The following ABCA13 variants were observed in gnomAD, a reference collection of about 807,000 sequenced individuals.
ABCA13 encodes the protein ATP-binding cassette sub-family A member 13.
Under a neutral mutation model 478.7 loss-of-function variants are expected in ABCA13, and 476 were observed. The observed-to-expected ratio is 0.99, with a 90% confidence interval of 0.92 to 1.07. ABCA13 has a LOEUF of 1.07. Ranked by LOEUF, ABCA13 falls within the 50% of genes least tolerant of loss-of-function variation. The probability of loss-of-function intolerance (pLI) is 0.00; values close to 1 mark genes in which losing one functional copy is unlikely to be tolerated. For missense variants in ABCA13, 6,060 were observed against 5,910.6 expected (o/e 1.03, Z -0.83); for synonymous variants, 2,252 against 2,158.9 (o/e 1.04, Z -1.20).
At chr7:48,181,154 GT>G (rs1173998306) in intron 1 of ABCA13, among the ~76,000 whole-genome samples, 2 of 152,178 alleles carry the variant, frequency 1.3e-5, no homozygotes, top group Non-Finnish European at 2.9e-5. Flanking sequence ...AGTGTGGTCT[GT>G]GCTTGCAAAC....
At chr7:48,617,647 G>A (rs962761937) in intron 59 of ABCA13, among the ~76,000 whole-genome samples, 2 of 152,148 alleles carry the variant, frequency 1.3e-5, no homozygotes, top group African/African-American at 4.8e-5. Context: ...TGCAATGAGA[G>A]CCTAGTGGAG....
rs1801524909 is a variant in ABCA13 at position 48,310,012 on chromosome 7, G to C, written c.9387G>C (p.Leu3129=). 2 of 1,613,972 alleles carry C rather than the reference G, an allele frequency of 1.2e-6. No homozygotes were observed. Among genetic ancestry groups the C allele is most frequent in the Non-Finnish European group, 1.7e-6 (2 of 1,179,846 alleles). ...GKCDQEILHL[L]LTFPKGEKSW... The stretch of plus-strand genomic sequence containing the variant: ...GTGATCAGGAAATCCTTCATCTCCT[G>C]CTGACATTTCCCAAAGGGGAAAAAT... The change falls in exon 24 of 62, where the codon CTG becomes CTC. Residue 3129 remains leucine, a synonymous_variant. Coordinates refer to ENST00000435803, the MANE Select transcript of ABCA13 (RefSeq NM_152701.5).
chr7:48,451,497 A>C (rs144730269), intron 42 of ABCA13, among the ~76,000 whole-genome samples: 1 of 152,308 alleles, frequency 6.6e-6, no homozygotes, highest in Admixed American at 6.5e-5. Context: ...AGATGTTAAC[A>C]TTATCTTTAA....
At chr7:48,420,808 G>C (rs1220784069) in intron 41 of ABCA13, among the ~76,000 whole-genome samples, 9 of 150,068 alleles carry the variant, frequency 6.0e-5, no homozygotes, top group African/African-American at 2.2e-4. Flanking sequence ...GCCCATTTAA[G>C]TTTCAATTGT....
intron 41 of ABCA13, among the ~76,000 whole-genome samples, chr7:48,417,475 T>C (rs1159414807): frequency 1.3e-5 from 2 of 152,240 alleles, no homozygotes; most frequent in Non-Finnish European, 2.9e-5. Context: ...GGGGACAATC[T>C]GGACAAATCA....
At chr7:48,359,439 C>T (rs1335121571) in intron 31 of ABCA13, among the ~76,000 whole-genome samples, 1 of 151,958 alleles carries the variant, frequency 6.6e-6, no homozygotes, top group Non-Finnish European at 1.5e-5. Flanking sequence ...GGAGACAGAG[C>T]TAGCAAGTGA....
intron 43 of ABCA13, among the ~76,000 whole-genome samples, chr7:48,457,399 G>A (rs188474470): frequency 6.6e-6 from 1 of 152,012 alleles, no homozygotes; most frequent in Non-Finnish European, 1.5e-5. Context: ...TTCCCTTCAT[G>A]GTGTTTATTT....
At chr7:48,436,311 T>C (rs1412309519) in intron 42 of ABCA13, among the ~76,000 whole-genome samples, 3 of 151,742 alleles carry the variant, frequency 2.0e-5, no homozygotes, top group Non-Finnish European at 4.4e-5. Context: ...AATATGTTGG[T>C]ACACATTGTT....
chr7:48,304,390 A>T (rs1001077032), intron 23 of ABCA13, among the ~76,000 whole-genome samples: 2 of 152,324 alleles, frequency 1.3e-5, no homozygotes, highest in Middle Eastern at 6.8e-3. Context: ...TTCTTTGAGA[A>T]ATCCCCACAC....
chr7:48,346,594 T>G (rs1049079766), intron 29 of ABCA13, among the ~76,000 whole-genome samples: 1 of 152,140 alleles, frequency 6.6e-6, no homozygotes, highest in African/African-American at 2.4e-5. Context: ...GCAGAAAAGT[T>G]AATTAAAGAT....
intron 10 of ABCA13, among the ~76,000 whole-genome samples, chr7:48,244,139 A>G (rs879596083): frequency 2.6e-5 from 4 of 152,200 alleles, no homozygotes; most frequent in Admixed American, 2.6e-4. Context: ...AGAATCCTAC[A>G]GGCATTGCCA....
intron 58 of ABCA13, among the ~76,000 whole-genome samples, chr7:48,605,636 C>T (rs1480517937): frequency 6.6e-6 from 1 of 152,126 alleles, no homozygotes; most frequent in Non-Finnish European, 1.5e-5. Context: ...TCTCTGGCTG[C>T]CCTTAACATT....
chr7:48,583,312 T>C (rs1190448111), intron 56 of ABCA13, among the ~76,000 whole-genome samples: 1 of 152,240 alleles, frequency 6.6e-6, no homozygotes, highest in Non-Finnish European at 1.5e-5. Context: ...GGAGGTCATC[T>C]TCAGAGGAAG....
intron 55 of ABCA13, among the ~76,000 whole-genome samples, chr7:48,571,944 G>A (rs1488458058): frequency 3.9e-5 from 6 of 152,222 alleles, no homozygotes; most frequent in African/African-American, 7.2e-5. Flanking sequence ...GTGGGAGGCC[G>A]AGGTGGATGG....
At chr7:48,442,922 C>G (rs1200605497) in intron 42 of ABCA13, among the ~76,000 whole-genome samples, 2 of 152,230 alleles carry the variant, frequency 1.3e-5, no homozygotes, top group South Asian at 2.1e-4. Flanking sequence ...GAACTGTGTT[C>G]CCTGTTTGTT....
rs1237623251 is a variant in ABCA13 at position 48,274,629 on chromosome 7, G to C, written c.4963G>C (p.Gly1655Arg). Residue 1655 changes from glycine to arginine, a missense_variant, in exon 17 of 62, where the codon GGT becomes CGT. Gly to Arg is a moderately radical substitution (Grantham distance 125, BLOSUM62 -2). This residue lies in a region of ABCA13 where 4,423 missense variants were observed against 4,309.1 expected (regional missense o/e 1.03). Coordinates refer to ENST00000435803, the MANE Select transcript of ABCA13 (RefSeq NM_152701.5). ...VVHHTSPQNA[G>R]YMQALKKVTS... Reference sequence around the variant, plus strand: ...TCATCACACTAGTCCACAAAATGCAGGTTATATGCAAGCTTTGAAGAAGGT... The same window carrying C: ...TCATCACACTAGTCCACAAAATGCACGTTATATGCAAGCTTTGAAGAAGGT... 1 of 1,613,838 alleles carries C rather than the reference G, an allele frequency of 6.2e-7. No homozygotes were observed. Among genetic ancestry groups the C allele is most frequent in the East Asian group, 2.2e-5 (1 of 44,892 alleles).
At chr7:48,428,483 G>A (rs1431396504) in intron 42 of ABCA13, among the ~76,000 whole-genome samples, 2 of 152,152 alleles carry the variant, frequency 1.3e-5, no homozygotes, top group African/African-American at 4.8e-5. Context: ...GAGCTCTAGG[G>A]ATGTGGAGGG....
At chr7:48,508,332 C>T (rs1381642665) in intron 50 of ABCA13, among the ~76,000 whole-genome samples, 1 of 152,030 alleles carries the variant, frequency 6.6e-6, no homozygotes, top group African/African-American at 2.4e-5. Context: ...AAATTATTAC[C>T]TTTACTATGC....
At chr7:48,408,298 G>A (rs1313016142) in intron 39 of ABCA13, among the ~76,000 whole-genome samples, 1 of 152,102 alleles carries the variant, frequency 6.6e-6, no homozygotes, top group Non-Finnish European at 1.5e-5. Context: ...CTTCTCTTTT[G>A]GGAATTTAGA....
Sources: gnomAD v4.1 joint callset for allele counts (sites outside exome capture counted in the v4.1 genomes callset) on GRCh38, gnomAD v4.1.1 for gene constraint, gnomAD v4.1.1 regional missense constraint, MANE v1.5 for transcripts, NCBI Gene and HGNC (gene_info 2026-07-23, HGNC 2026-07-21) for gene names.